CSRNP3: variants seen among roughly 807,000 people sequenced by gnomAD.
CSRNP3 encodes cysteine/serine-rich nuclear protein 3.
A neutral mutation model predicts 48.0 loss-of-function variants in CSRNP3; 12 were observed. That is an observed-to-expected ratio of 0.25 (90% CI 0.16 to 0.41). The LOEUF (loss-of-function observed/expected upper bound fraction) is 0.41. Among genes scored for constraint, CSRNP3 ranks in the 10% least tolerant of loss-of-function variants. CSRNP3 has a pLI of 1.00. For missense variants in CSRNP3, 580 were observed against 724.4 expected (o/e 0.80, Z 2.29); for synonymous variants, 263 against 269.7 (o/e 0.98, Z 0.24).
At chr2:165,602,367 ACCC>A (rs1258153869) in intron 4 of CSRNP3, among the ~76,000 whole-genome samples, 1 of 152,206 alleles carries the variant, frequency 6.6e-6, no homozygotes, top group Non-Finnish European at 1.5e-5. Flanking sequence ...GACTCTTCAC[ACCC>A]ACTTATGCCT....
At position 165,687,210 on chromosome 2, in the gene CSRNP3, G is replaced by A. The variant is rs1301161323; in HGVS notation, c.*7457G>A. ...ACATTAATATATGATCATTCCATAA[G>A]TCTCCTAAGAAATCAGATTTTTAAA... On this transcript the variant is annotated 3_prime_UTR_variant, in exon 7 of 7. Coordinates refer to ENST00000651982, the MANE Select transcript of CSRNP3 (RefSeq NM_001172173.2). 2 of 152,094 alleles carry A rather than the reference G, an allele frequency of 1.3e-5. No individual in the cohort carries two copies. Among genetic ancestry groups the A allele is most frequent in the Admixed American group, 6.6e-5 (1 of 15,248 alleles). 9.4% of individuals were successfully genotyped at this position (152,094 alleles called of 1,614,324 possible).
chr2:165,513,123 G>A (rs1385941128), intron 2 of CSRNP3, among the ~76,000 whole-genome samples: 1 of 151,868 alleles, frequency 6.6e-6, no homozygotes, highest in Non-Finnish European at 1.5e-5. Flanking sequence ...AAAAAAATAG[G>A]GTCAACTCTG....
At chr2:165,493,220 G>C (rs2105459521) in intron 1 of CSRNP3, among the ~76,000 whole-genome samples, 1 of 151,626 alleles carries the variant, frequency 6.6e-6, no homozygotes, top group South Asian at 2.1e-4. Context: ...AAAAAAAAAA[G>C]TCACTTCAGT....
At chr2:165,582,988 A>G (rs1431458734) in intron 3 of CSRNP3, among the ~76,000 whole-genome samples, 2 of 152,208 alleles carry the variant, frequency 1.3e-5, no homozygotes, top group Non-Finnish European at 2.9e-5. Flanking sequence ...GAGTGCTCCC[A>G]GGGTTCTTGG....
At chr2:165,651,480 T>C (rs1273490044) in intron 4 of CSRNP3, among the ~76,000 whole-genome samples, 3 of 152,202 alleles carry the variant, frequency 2.0e-5, no homozygotes, top group Non-Finnish European at 4.4e-5. Flanking sequence ...CTTCCCTGGA[T>C]GATACTGCAA....
chr2:165,662,194 G>A (rs1687109587), intron 5 of CSRNP3, among the ~76,000 whole-genome samples: 1 of 53,360 alleles, frequency 1.9e-5, no homozygotes, highest in South Asian at 7.0e-4. Flanking sequence ...AATAAAAGTA[G>A]GAATGTATGT....
At position 165,681,794 on chromosome 2, in the gene CSRNP3, CAT is replaced by C. The variant is rs1177906132; in HGVS notation, c.*2046_*2047del. 1 of 126,538 alleles carries C rather than the reference CAT, an allele frequency of 7.9e-6. No individual in the cohort carries two copies. The highest frequency in any genetic ancestry group is 1.6e-5 in the Non-Finnish European group (1 of 61,000). 7.8% of individuals were successfully genotyped at this position (126,538 alleles called of 1,614,324 possible). On this transcript the variant is annotated 3_prime_UTR_variant, in exon 7 of 7. Transcript: ENST00000651982. ...ACACACACATACACATATATATACA[CAT>C]ATATGTATGTGTGTGTGTGTGTGTG...
chr2:165,668,889 A>T (rs1393487513), intron 5 of CSRNP3, among the ~76,000 whole-genome samples: 3 of 152,196 alleles, frequency 2.0e-5, no homozygotes, highest in African/African-American at 7.2e-5. Flanking sequence ...GCATGGCTCA[A>T]GCTTTGGAGT....
rs2105372753 is a variant in CSRNP3, at chr2:165,686,851, A to T, written c.*7098A>T. On this transcript the variant is annotated 3_prime_UTR_variant, in exon 7 of 7. Transcript: ENST00000651982. ...TACTCACAATGGCCAACTGTGTGTG[A>T]ATACTGGAAAGTTTGAGATTCTTCT... The T allele has an allele frequency of 6.6e-6, 1 of 152,178 alleles. No individual in the cohort carries two copies. The highest frequency in any genetic ancestry group is 1.9e-4 in the East Asian group (1 of 5,176). 9.4% of individuals were successfully genotyped at this position (152,178 alleles called of 1,614,324 possible). A position where few individuals can be genotyped will look rare whatever the true frequency, so the allele number is the denominator to read the frequency against.
chr2:165,679,473 A>T lies in CSRNP3; in HGVS notation c.1478A>T (p.Tyr493Phe). The T allele has an allele frequency of 6.2e-7, 1 of 1,613,320 alleles. No individual in the cohort carries two copies. Among genetic ancestry groups the T allele is most frequent in the Non-Finnish European group, 8.5e-7 (1 of 1,179,878 alleles). The change falls in exon 7 of 7, where the codon TAC (tyrosine) becomes TTC (phenylalanine). Residue 493 changes from tyrosine (Y) to phenylalanine (F), a missense_variant. Transcript: ENST00000651982. ...QAEEAYGASHYPAANPSVIVC... is the reference protein window; with the variant it reads ...QAEEAYGASHFPAANPSVIVC... ...GAAGAGGCCTATGGTGCCTCCCACT[A>T]CCCAGCTGCCAACCCCTCTGTAATC...
chr2:165,594,773 A>C lies in CSRNP3; in HGVS notation c.-23-270A>C, dbSNP rs116237159. Among the ~76,000 whole-genome samples the C allele has an allele frequency of 9.2e-3, 1,400 of 152,344 alleles. 26 individuals are homozygous for C. Among genetic ancestry groups the C allele is most frequent in the African/African-American group, 0.032 (1,336 of 41,576 alleles). On this transcript the variant is annotated intron_variant, in intron 3 of 6. Transcript: ENST00000651982. ...TCAGGTGGATTTTCTCAATTTGCCA[A>C]TAAAAAGGAATAATGATATTACATT...
At chr2:165,637,456 T>A (rs538121271) in intron 4 of CSRNP3, among the ~76,000 whole-genome samples, 89 of 152,336 alleles carry the variant, frequency 5.8e-4, no homozygotes, top group African/African-American at 1.9e-3. Flanking sequence ...CTCACTATCA[T>A]TGGCTCAGAA....
chr2:165,562,428 T>C (rs374652871), intron 3 of CSRNP3, among the ~76,000 whole-genome samples: 4 of 152,214 alleles, frequency 2.6e-5, no homozygotes, highest in Non-Finnish European at 5.9e-5. Flanking sequence ...TGGGGAAAAA[T>C]TGCAAAACAT....
chr2:165,639,173 C>T (rs1035068643), intron 4 of CSRNP3, among the ~76,000 whole-genome samples: 5 of 152,114 alleles, frequency 3.3e-5, no homozygotes, highest in African/African-American at 1.2e-4. Flanking sequence ...TAGTAGACAG[C>T]ACTGGTACTT....
chr2:165,666,054 G>GAT (rs1687186727), intron 5 of CSRNP3, among the ~76,000 whole-genome samples: 1 of 52,566 alleles, frequency 1.9e-5, no homozygotes, highest in Non-Finnish European at 5.0e-5. Flanking sequence ...GAAGGAAAGA[G>GAT]AGAGGAAGAA....
chr2:165,670,237 A>G (rs1275050530), intron 5 of CSRNP3, among the ~76,000 whole-genome samples: 2 of 152,034 alleles, frequency 1.3e-5, no homozygotes, highest in African/African-American at 4.8e-5. Flanking sequence ...TTCCCACTTC[A>G]CCCCACTGCC....
intron 3 of CSRNP3, among the ~76,000 whole-genome samples, chr2:165,525,135 C>A (rs1281327925): frequency 6.6e-6 from 1 of 152,132 alleles, no homozygotes; most frequent in Admixed American, 6.6e-5. Context: ...CTAATTATCA[C>A]TCTGGTTTTA....
chr2:165,638,416 G>A (rs144068329), intron 4 of CSRNP3, among the ~76,000 whole-genome samples: 39 of 151,844 alleles, frequency 2.6e-4, no homozygotes, highest in Non-Finnish European at 5.0e-4. Context: ...AGCTGAGATC[G>A]TGCCATTGCA....
chr2:165,592,903 G>A (rs540869229), intron 3 of CSRNP3, among the ~76,000 whole-genome samples: 8 of 146,330 alleles, frequency 5.5e-5, no homozygotes, highest in East Asian at 4.1e-4. Context: ...CCGGGTTCAC[G>A]CCATTCTCCT....
Sources: gnomAD v4.1 joint callset for allele counts (sites outside exome capture counted in the v4.1 genomes callset) on GRCh38, gnomAD v4.1.1 for gene constraint, MANE v1.5 for transcripts, NCBI Gene and HGNC (gene_info 2026-07-23, HGNC 2026-07-21) for gene names.